Variants in IL15 observed in about 807,000 individuals in gnomAD.
The protein encoded by IL15 is interleukin 15.
A neutral mutation model predicts 19.6 loss-of-function variants in IL15; 11 were observed. That is an observed-to-expected ratio of 0.56 (90% confidence interval 0.35 to 0.93). IL15 has a LOEUF of 0.93. Among genes scored for constraint, IL15 ranks in the 40% least tolerant of loss-of-function variants. The probability of loss-of-function intolerance (pLI) is 0.01; values close to 1 mark genes in which losing one functional copy is unlikely to be tolerated. For synonymous variants in IL15, 58 were observed against 59.6 expected (o/e 0.97, Z 0.12); for missense variants, 197 against 186.5 (o/e 1.06, Z -0.33).
chr4:141,661,639 G>A (rs1407475543), intron 2 of IL15, among the ~76,000 whole-genome samples: 1 of 152,112 alleles, frequency 6.6e-6, no homozygotes, highest in Non-Finnish European at 1.5e-5. Flanking sequence ...GCTCATCTTT[G>A]ACCAATGGGA....
At position 141,662,924 on chromosome 4, in the gene IL15, A is replaced by T. The variant is rs111845378; in HGVS notation, c.-100+6617A>T. Among the ~76,000 whole-genome samples the T allele has an allele frequency of 1.2e-3, 186 of 152,322 alleles. 1 individual carries two copies. The highest frequency in any genetic ancestry group is 4.3e-3 in the African/African-American group (177 of 41,582). On this transcript the variant is annotated intron_variant, in intron 2 of 7. Transcript: ENST00000320650. ...AATGCCACTGATATCTAAGTTTGAT[A>T]AAAATTTCACAAAAAAACTATTTCC...
At chr4:141,696,097 T>A (rs1309463094) in intron 2 of IL15, among the ~76,000 whole-genome samples, 3 of 152,148 alleles carry the variant, frequency 2.0e-5, no homozygotes, top group Non-Finnish European at 4.4e-5. Context: ...TACATTTAAG[T>A]ATTTAATTCA....
At chr4:141,708,297 G>A (rs1405711468) in intron 2 of IL15, among the ~76,000 whole-genome samples, 14 of 152,180 alleles carry the variant, frequency 9.2e-5, no homozygotes, top group Admixed American at 9.2e-4. Flanking sequence ...AGCTGAGTTT[G>A]TGGTGGTGCA....
intron 2 of IL15, among the ~76,000 whole-genome samples, chr4:141,714,195 T>G (rs1579045206): frequency 6.6e-6 from 1 of 152,162 alleles, no homozygotes; most frequent in Non-Finnish European, 1.5e-5. Flanking sequence ...AGTAGAAAAC[T>G]TACACCTACC....
chr4:141,713,014 T>C (rs1377606227), intron 2 of IL15, among the ~76,000 whole-genome samples: 1 of 152,086 alleles, frequency 6.6e-6, no homozygotes, highest in Non-Finnish European at 1.5e-5. Context: ...AATACCAACC[T>C]CAGGTCTTAT....
rs1560944017 is a variant in IL15 at position 141,733,673 on chromosome 4, A to G, written c.*825A>G. On this transcript the variant is annotated 3_prime_UTR_variant, in exon 8 of 8. Coordinates refer to ENST00000320650, the MANE Select transcript of IL15 (RefSeq NM_000585.5). ...CGGTAGTGTATTTAAAGTGTGGCCC[A>G]AGACAATTCTTCTTATTCCAATGTG... The G allele has an allele frequency of 1.3e-5, 2 of 152,210 alleles. No homozygotes were observed. The highest frequency in any genetic ancestry group is 2.9e-5 in the Non-Finnish European group (2 of 68,036). The allele number at this position is 152,210 out of a possible 1,614,324, so 9.4% of individuals were successfully genotyped here.
At chr4:141,704,676 T>C in intron 2 of IL15, 1 of 256,940 alleles carries the variant, frequency 3.9e-6, no homozygotes, top group Non-Finnish European at 7.8e-6. Flanking sequence ...GGTCCTGGTC[T>C]TTTCTTTGAT....
intron 2 of IL15, among the ~76,000 whole-genome samples, chr4:141,672,139 A>G (rs944566258): frequency 6.6e-6 from 1 of 152,176 alleles, no homozygotes; most frequent in Non-Finnish European, 1.5e-5. Context: ...AATCAAAGAA[A>G]TATTGCAGCA....
At position 141,637,979 on chromosome 4, in the gene IL15, C is replaced by T. The variant is rs188572727; in HGVS notation, c.-222+1231C>T. Among the ~76,000 whole-genome samples, 322 of 152,212 alleles carry T rather than the reference C, an allele frequency of 2.1e-3. 3 individuals are homozygous for T. Among genetic ancestry groups the T allele is most frequent in the African/African-American group, 7.5e-3 (313 of 41,510 alleles). On this transcript the variant is annotated intron_variant, in intron 1 of 7. Coordinates refer to ENST00000320650, the MANE Select transcript of IL15 (RefSeq NM_000585.5). ...ACTGAAAGCATCAAGATACAATACA[C>T]TTTTGGAAGGCCGAGGCGAGAGGAT...
intron 2 of IL15, among the ~76,000 whole-genome samples, chr4:141,658,481 C>G (rs924921740): frequency 1.3e-5 from 2 of 152,004 alleles, no homozygotes; most frequent in African/African-American, 2.4e-5. Flanking sequence ...ACTGAAACTT[C>G]ATTATGGGGC....
At chr4:141,686,747 T>C (rs182954524) in intron 2 of IL15, among the ~76,000 whole-genome samples, 2 of 152,164 alleles carry the variant, frequency 1.3e-5, no homozygotes, top group South Asian at 2.1e-4. Flanking sequence ...AATTAGAACA[T>C]TTTAAAGGTA....
intron 7 of IL15, among the ~76,000 whole-genome samples, chr4:141,732,394 G>A (rs1478502871): frequency 6.6e-6 from 1 of 152,138 alleles, no homozygotes; most frequent in African/African-American, 2.4e-5. Context: ...AAATAGGTAA[G>A]GAACAGCTCA....
intron 2 of IL15, among the ~76,000 whole-genome samples, chr4:141,669,490 A>G (rs1446865569): frequency 6.6e-6 from 1 of 152,202 alleles, no homozygotes; most frequent in East Asian, 1.9e-4. Flanking sequence ...AAAACAGAGG[A>G]GATTATCAGG....
intron 1 of IL15, among the ~76,000 whole-genome samples, chr4:141,647,554 G>C (rs1361667186): frequency 6.6e-6 from 1 of 151,988 alleles, no homozygotes; most frequent in East Asian, 1.9e-4. Context: ...GACTGTCACT[G>C]AGCTAAGCAC....
At chr4:141,646,774 TA>T (rs1727240543) in intron 1 of IL15, among the ~76,000 whole-genome samples, 1 of 152,118 alleles carries the variant, frequency 6.6e-6, no homozygotes, top group South Asian at 2.1e-4. Context: ...AATATTTTCA[TA>T]TAAGGGACTA....
chr4:141,690,289 C>T (rs934677024), intron 2 of IL15, among the ~76,000 whole-genome samples: 5 of 152,166 alleles, frequency 3.3e-5, no homozygotes, highest in South Asian at 4.1e-4. Context: ...CCTTGGCCAG[C>T]GCAGAAAGGG....
At chr4:141,723,062 A>G (rs1730142223) in intron 5 of IL15, among the ~76,000 whole-genome samples, 1 of 152,134 alleles carries the variant, frequency 6.6e-6, no homozygotes, top group Admixed American at 6.5e-5. Context: ...AGAATACACC[A>G]AGTAAAAGAG....
intron 2 of IL15, among the ~76,000 whole-genome samples, chr4:141,674,219 AC>A (rs1728267706): frequency 6.6e-6 from 1 of 152,210 alleles, no homozygotes; most frequent in Non-Finnish European, 1.5e-5. Flanking sequence ...TAGCATGTAT[AC>A]AGATCACAGT....
At chr4:141,721,664 G>C in intron 4 of IL15, 1 of 529,432 alleles carries the variant, frequency 1.9e-6, no homozygotes, top group South Asian at 2.0e-5. Flanking sequence ...AATTGAGCCA[G>C]TTTATTTATA....
Sources: gnomAD v4.1 joint callset for allele counts (sites outside exome capture counted in the v4.1 genomes callset) on GRCh38, gnomAD v4.1.1 for gene constraint, MANE v1.5 for transcripts, NCBI Gene and HGNC (gene_info 2026-07-23, HGNC 2026-07-21) for gene names.